PTPRN2: variants seen among roughly 807,000 people sequenced by gnomAD.
PTPRN2 encodes protein tyrosine phosphatase receptor type N2.
In PTPRN2, 74 loss-of-function variants were observed where a neutral mutation model predicts 118.8. The observed-to-expected ratio is 0.62, with a 90% CI of 0.52 to 0.76. PTPRN2 has a LOEUF of 0.76. Ranked by LOEUF, PTPRN2 falls within the 30% of genes least tolerant of loss-of-function variation. The probability of loss-of-function intolerance (pLI) is 0.00; values close to 1 mark genes in which losing one functional copy is unlikely to be tolerated. For missense variants in PTPRN2, 1,481 were observed against 1,394.4 expected (o/e 1.06, Z -0.99); for synonymous variants, 641 against 608.0 (o/e 1.05, Z -0.80).
intron 13 of PTPRN2, among the ~76,000 whole-genome samples, chr7:157,680,523 T>C (rs1265399897): frequency 6.6e-6 from 1 of 152,218 alleles, no homozygotes; most frequent in African/African-American, 2.4e-5. Context: ...ATTGTCTGAG[T>C]CCTTGACACG....
chr7:158,071,384 CGTGGTGGAGGTG>C (rs1811551051), intron 11 of PTPRN2, among the ~76,000 whole-genome samples: 1 of 27,966 alleles, frequency 3.6e-5, no homozygotes, highest in Non-Finnish European at 6.6e-5. Flanking sequence ...TGGAGGTGCT[CGTGGTGGAGGTG>C]CTCGTGGTGG....
At chr7:157,697,014 C>A (rs1428645905) in intron 12 of PTPRN2, among the ~76,000 whole-genome samples, 3 of 85,404 alleles carry the variant, frequency 3.5e-5, no homozygotes, top group Non-Finnish European at 4.6e-5. Flanking sequence ...CACCATCTAC[C>A]CATGCATACT....
chr7:158,401,136 T>C (rs1437498758), intron 2 of PTPRN2, among the ~76,000 whole-genome samples: 1 of 152,260 alleles, frequency 6.6e-6, no homozygotes, highest in Middle Eastern at 3.4e-3. Context: ...GCAGCAGTGA[T>C]GCCTGCGGTG....
chr7:158,294,686 C>G (rs1800344067), intron 3 of PTPRN2, among the ~76,000 whole-genome samples: 1 of 152,154 alleles, frequency 6.6e-6, no homozygotes, highest in Non-Finnish European at 1.5e-5. Context: ...GAGTGAGAGG[C>G]AGGAAAGACA....
chr7:158,218,227 G>A (rs1828092962), intron 3 of PTPRN2, among the ~76,000 whole-genome samples: 1 of 151,384 alleles, frequency 6.6e-6, no homozygotes, highest in Admixed American at 6.6e-5. Flanking sequence ...AACCCACCAG[G>A]CTGATAGCAG....
At chr7:158,362,533 A>G (rs1353449170) in intron 2 of PTPRN2, among the ~76,000 whole-genome samples, 1 of 152,242 alleles carries the variant, frequency 6.6e-6, no homozygotes, top group Non-Finnish European at 1.5e-5. Flanking sequence ...GGACTCATCT[A>G]CATTTTGTTG....
At chr7:157,580,543 A>AGCCCCT (rs1800300114) in intron 17 of PTPRN2, among the ~76,000 whole-genome samples, 1 of 102,638 alleles carries the variant, frequency 9.7e-6, no homozygotes, top group African/African-American at 3.9e-5. Context: ...ACCCGAGCCG[A>AGCCCCT]GCCCCTGCAC....
intron 12 of PTPRN2, among the ~76,000 whole-genome samples, chr7:157,837,095 A>C: frequency 1.9e-5 from 2 of 106,090 alleles, no homozygotes; most frequent in African/African-American, 3.6e-5. Flanking sequence ...CCACCCATCC[A>C]CCCACCTATC....
intron 3 of PTPRN2, among the ~76,000 whole-genome samples, chr7:158,233,109 C>T (rs369995362): frequency 1.3e-5 from 2 of 152,068 alleles, no homozygotes; most frequent in African/African-American, 4.8e-5. Context: ...TACAGGCACC[C>T]AAATTGGAAA....
chr7:157,860,431 G>A (rs978716028), intron 12 of PTPRN2, among the ~76,000 whole-genome samples: 9 of 152,310 alleles, frequency 5.9e-5, no homozygotes, highest in East Asian at 5.8e-4. Flanking sequence ...GGTTATTATC[G>A]AACACTCTTG....
chr7:157,757,100 G>GT (rs1554436636), intron 12 of PTPRN2, among the ~76,000 whole-genome samples: 22 of 151,758 alleles, frequency 1.4e-4, no homozygotes, highest in South Asian at 1.0e-3. Context: ...CAAGATAAAA[G>GT]TTTTTTTTTA....
intron 13 of PTPRN2, among the ~76,000 whole-genome samples, chr7:157,678,883 T>C (rs1796790958): frequency 6.6e-6 from 1 of 151,962 alleles, no homozygotes; most frequent in Admixed American, 6.5e-5. Flanking sequence ...CTCAAGGAAA[T>C]GGATGCAACA....
chr7:157,562,284 G>T (rs947370821), intron 21 of PTPRN2, among the ~76,000 whole-genome samples: 5 of 152,136 alleles, frequency 3.3e-5, no homozygotes, highest in African/African-American at 1.2e-4. Flanking sequence ...AAAATGGAGC[G>T]GGGAGACCAG....
chr7:158,360,644 T>A (rs367576291), intron 2 of PTPRN2, among the ~76,000 whole-genome samples: 1 of 1,238 alleles, frequency 8.1e-4, no homozygotes, highest in Non-Finnish European at 1.3e-3. Context: ...ACATCCACCC[T>A]CACCCAGGAT....
At chr7:158,484,340 C>T (rs1432652635) in intron 2 of PTPRN2, among the ~76,000 whole-genome samples, 1 of 152,132 alleles carries the variant, frequency 6.6e-6, no homozygotes, top group Admixed American at 6.5e-5. Context: ...CTTACCTCTC[C>T]TGGACTTATT....
chr7:158,273,458 A>ACAGACGCGGGAGGAGCCGCAGG lies in PTPRN2; in HGVS notation c.277+43360_277+43361insCCTGCGGCTCCTCCCGCGTCTG, dbSNP rs1563072636. On this transcript the variant is annotated intron_variant, in intron 3 of 22. Transcript: ENST00000389418. ...CAGACAGACGCGGGAGGAGCCGCAG[A>ACAGACGCGGGAGGAGCCGCAGG]CGCAGGGGGAGCCGCAGGCACAGGG... is the stretch of plus-strand genomic sequence containing the variant. Among the ~76,000 whole-genome samples the ACAGACGCGGGAGGAGCCGCAGG allele has an allele frequency of 3.8e-4, 26 of 68,806 alleles. 2 individuals carry two copies. Among genetic ancestry groups the ACAGACGCGGGAGGAGCCGCAGG allele is most frequent in the African/African-American group, 1.4e-3 (25 of 18,512 alleles). The allele number at this position is 68,806 out of a possible 152,430, so 45.1% of individuals were successfully genotyped here.
At chr7:158,138,150 C>G (rs970461431) in intron 7 of PTPRN2, 144 bp downstream of exon 7, 2 of 748,344 alleles carry the variant, frequency 2.7e-6, no homozygotes, top group Non-Finnish European at 4.2e-6. Flanking sequence ...AAAGTTCAAA[C>G]AGATAAAAAT....
At chr7:158,490,166 G>A (rs1299933193) in intron 1 of PTPRN2, among the ~76,000 whole-genome samples, 3 of 152,204 alleles carry the variant, frequency 2.0e-5, no homozygotes, top group African/African-American at 4.8e-5. Flanking sequence ...CGCACGCACC[G>A]CGTCCCTGGA....
chr7:158,238,500 G>C (rs1203428720), intron 3 of PTPRN2, among the ~76,000 whole-genome samples: 1 of 152,134 alleles, frequency 6.6e-6, no homozygotes, highest in Non-Finnish European at 1.5e-5. Context: ...TCTTAATCCA[G>C]CCACATTCAC....
Sources: allele counts gnomAD v4.1 joint callset (sites outside exome capture counted in the v4.1 genomes callset), GRCh38; gene constraint gnomAD v4.1.1; transcripts MANE v1.5; gene names NCBI Gene and HGNC (gene_info 2026-07-23, HGNC 2026-07-21).